The following ARID1B variants were observed in gnomAD, a reference collection of about 807,000 sequenced individuals.
ARID1B encodes AT-rich interaction domain 1B, also known as AT-rich interactive domain-containing protein 1B.
In ARID1B, 30 loss-of-function variants were observed where a neutral mutation model predicts 212.3. That is an observed-to-expected ratio of 0.14 (90% CI 0.11 to 0.19). The LOEUF is 0.19. ARID1B is among the 10% of genes least tolerant of loss of function. The pLI, the probability that ARID1B is intolerant of heterozygous loss-of-function variation, is 1.00. For missense variants in ARID1B, 2,891 were observed against 3,204.0 expected (o/e 0.90, Z 2.36); for synonymous variants, 1,402 against 1,301.7 (o/e 1.08, Z -1.66).
chr6:156,921,320 T>G (rs183320695), intron 3 of ARID1B, among the ~76,000 whole-genome samples: 166 of 152,176 alleles, frequency 1.1e-3, no homozygotes, highest in African/African-American at 3.9e-3. Flanking sequence ...TTAATTTAAT[T>G]TTGATGTAAT....
rs143706783 is a variant in ARID1B at position 156,846,017 on chromosome 6, T to A, written c.1986+16596T>A. 2.2e-4 allele frequency among the ~76,000 whole-genome samples: 34 copies of A among 152,316 alleles called. No individual in the cohort carries two copies. The East Asian group carries it at 5.6e-3, about 25-fold the overall frequency. On this transcript the variant is annotated intron_variant, in intron 2 of 19. Transcript: ENST00000636930. ...TCTTTTTTATACCATCTTACTCTTA[T>A]TTCGTGGCTACAATGGTTTATCTTG...
chr6:157,089,692 TTC>T lies in ARID1B; in HGVS notation c.2491+4794_2491+4795del, dbSNP rs199812755. On this transcript the variant is annotated intron_variant, in intron 5 of 19. Coordinates refer to ENST00000636930, the MANE Select transcript of ARID1B (RefSeq NM_001374828.1). ...CACAAATTTTCTTGTTTTTTACCTA[TTC>T]TCTCTCCTCTTCATACTGATGTATT... 5.6e-3 allele frequency among the ~76,000 whole-genome samples: 855 copies of T among 152,318 alleles called. 14 individuals carry two copies. Among genetic ancestry groups the T allele is most frequent in the African/African-American group, 0.02 (819 of 41,588 alleles).
chr6:157,110,523 A>G lies in ARID1B; in HGVS notation c.2543A>G (p.His848Arg). 6.2e-7 allele frequency: 1 copy of G among 1,614,152 alleles called. No individual in the cohort carries two copies. Among genetic ancestry groups the G allele is most frequent in the South Asian group, 1.1e-5 (1 of 91,076 alleles). ...GGGAGCCAGTCAGAATCCAGTTCCC[A>G]TCCCGCCTTGAGCCAGTCACCAATG... ...PPGSQSESSS[H>R]PALSQSPMPQ... Residue 848 changes from histidine to arginine, a missense_variant, in exon 6 of 20, where the codon CAT becomes CGT. His to Arg is a conservative substitution (Grantham distance 29). Transcript: ENST00000636930.
chr6:157,039,318 A>ATTTTTTTTTTTTTTTTT (rs1215591720), intron 4 of ARID1B, among the ~76,000 whole-genome samples: 9 of 112,808 alleles, frequency 8.0e-5, no homozygotes, highest in African/African-American at 1.8e-4. Flanking sequence ...GAAATTTGAC[A>ATTTTTTTTTTTTTTTTT]TTTCTTTTTT....
intron 3 of ARID1B, among the ~76,000 whole-genome samples, chr6:156,929,041 T>G (rs1275508765): frequency 1.3e-5 from 2 of 152,216 alleles, no homozygotes; most frequent in Non-Finnish European, 2.9e-5. Context: ...TCCATCACTT[T>G]CAGTTACTCC....
intron 2 of ARID1B, chr6:156,870,224 G>A (rs1356873734): frequency 6.6e-6 from 1 of 152,340 alleles, no homozygotes; most frequent in Non-Finnish European, 1.5e-5. Flanking sequence ...GTGGCAACCA[G>A]AGAAGCTGGA....
In ARID1B at chr6:156,888,543, AG is replaced by A. The variant is rs548621531; in HGVS notation, c.1987-12832del. On this transcript the variant is annotated intron_variant, in intron 2 of 19. Transcript: ENST00000636930. ...TGACATTCACGAATTCAAAATTACC[AG>A]TTACAGTCTGGGCAATAATATAACA... is the stretch of plus-strand genomic sequence containing the variant. 3.3e-3 allele frequency among the ~76,000 whole-genome samples: 496 copies of A among 152,368 alleles called. 2 individuals carry two copies. The highest frequency in any genetic ancestry group is 3.4e-3 in the Non-Finnish European group (231 of 68,042).
chr6:157,034,923 G>T (rs529947103), intron 4 of ARID1B, among the ~76,000 whole-genome samples: 1 of 152,148 alleles, frequency 6.6e-6, no homozygotes, highest in Non-Finnish European at 1.5e-5. Context: ...TCGTTTAAAG[G>T]TATATTAAGA....
chr6:157,022,184 G>A (rs1217988313), intron 4 of ARID1B: 5 of 147,772 alleles, frequency 3.4e-5, no homozygotes, highest in African/African-American at 1.0e-4. Context: ...GAGGGGCGGG[G>A]CCGGCGGGAG....
In ARID1B at chr6:157,201,576, T is replaced by C. The variant is rs1317836780; in HGVS notation, c.5263+88T>C. On this transcript the variant is annotated intron_variant, in intron 18 of 19. Coordinates refer to ENST00000636930, the MANE Select transcript of ARID1B (RefSeq NM_001374828.1). The surrounding 1 kb of genome is among the most constrained non-coding windows in gnomAD (Gnocchi z 5.2). ...AGTAAAGATGCTGTTCCTGCTCATC[T>C]TAAAGGGATGAAAAAATTATGACTA... 7.2e-7 allele frequency: 1 copy of C among 1,396,854 alleles called. No homozygotes were observed. The highest frequency in any genetic ancestry group is 9.5e-7 in the Non-Finnish European group (1 of 1,054,242). 86.5% of individuals were successfully genotyped at this position (1,396,854 alleles called of 1,614,324 possible).
chr6:156,931,705 G>T (rs1259534392), intron 3 of ARID1B, among the ~76,000 whole-genome samples: 2 of 152,084 alleles, frequency 1.3e-5, no homozygotes, highest in Non-Finnish European at 2.9e-5. Flanking sequence ...GCTCACGCCT[G>T]TAATCCCATC....
At chr6:156,890,272 T>A (rs1280505623) in intron 2 of ARID1B, among the ~76,000 whole-genome samples, 3 of 152,196 alleles carry the variant, frequency 2.0e-5, no homozygotes, top group Non-Finnish European at 4.4e-5. Flanking sequence ...CAGTGAAATT[T>A]TGTAGGCAAT....
At chr6:157,173,942 T>C in intron 9 of ARID1B, 66 bp from the exon 10 acceptor site, 3 of 1,384,978 alleles carry the variant, frequency 2.2e-6, no homozygotes, top group South Asian at 1.2e-5. Context: ...GTAACTTGTG[T>C]TGGCAGGAGT....
At chr6:157,202,185 T>C (rs1794159172) in intron 18 of ARID1B, among the ~76,000 whole-genome samples, 1 of 152,228 alleles carries the variant, frequency 6.6e-6, no homozygotes, top group African/African-American at 2.4e-5. Context: ...AATGCTGATG[T>C]TGCTTGTTTA....
chr6:156,813,208 A>G lies in ARID1B; in HGVS notation c.1792-16019A>G, dbSNP rs540882117. Among the ~76,000 whole-genome samples, 15 of 150,786 alleles carry G rather than the reference A, an allele frequency of 9.9e-5. No homozygotes were observed. The East Asian group carries it at 2.5e-3, about 25-fold the overall frequency. On this transcript the variant is annotated intron_variant, in intron 1 of 19. Transcript: ENST00000636930. ...AACCTCTGCCACCCAGGTTGAAGCA[A>G]TTCTCCTGACTCAGCCTCCCGAGTA...
chr6:156,861,149 A>C (rs572208880), intron 2 of ARID1B, among the ~76,000 whole-genome samples: 1 of 152,232 alleles, frequency 6.6e-6, no homozygotes, highest in Non-Finnish European at 1.5e-5. Flanking sequence ...TGAAGGTGCC[A>C]GTGAAGGAAC....
chr6:156,928,127 A>G (rs1484006801), intron 3 of ARID1B, among the ~76,000 whole-genome samples: 2 of 152,168 alleles, frequency 1.3e-5, no homozygotes, highest in Non-Finnish European at 2.9e-5. Flanking sequence ...GTTTTGCCCC[A>G]CACCCTGGGG....
chr6:156,950,556 A>C (rs1793504794), intron 4 of ARID1B, among the ~76,000 whole-genome samples: 1 of 152,214 alleles, frequency 6.6e-6, no homozygotes, highest in Admixed American at 6.5e-5. Context: ...ATCGCAGTTG[A>C]TTAGATGACA....
At chr6:156,973,274 C>G (rs1004972362) in intron 4 of ARID1B, among the ~76,000 whole-genome samples, 4 of 151,502 alleles carry the variant, frequency 2.6e-5, no homozygotes, top group Non-Finnish European at 4.4e-5. Context: ...ATTATAGAAC[C>G]TTTTTTTTTA....
Sources: gnomAD v4.1 joint callset for allele counts (sites outside exome capture counted in the v4.1 genomes callset) on GRCh38, gnomAD v4.1.1 for gene constraint, Gnocchi (gnomAD v3.1) non-coding constraint, MANE v1.5 for transcripts, NCBI Gene and HGNC (gene_info 2026-07-23, HGNC 2026-07-21) for gene names.